PIK3C2A: variants seen among roughly 807,000 people sequenced by gnomAD.
PIK3C2A encodes phosphatidylinositol-4-phosphate 3-kinase catalytic subunit type 2 alpha.
Under a neutral mutation model 204.5 loss-of-function variants are expected in PIK3C2A, and 97 were observed. The observed-to-expected ratio is 0.47, with a 90% confidence interval of 0.40 to 0.56. The LOEUF (loss-of-function observed/expected upper bound fraction) is 0.56, where lower values mean the gene tolerates loss of function less well. Ranked by LOEUF, PIK3C2A falls within the 20% of genes least tolerant of loss-of-function variation. The pLI, the probability that PIK3C2A is intolerant of heterozygous loss-of-function variation, is 0.00. For synonymous variants in PIK3C2A, 653 were observed against 664.4 expected, an observed-to-expected ratio of 0.98 and a Z score of 0.26; for missense variants, 1,735 against 1,969.2, an observed-to-expected ratio of 0.88 and a Z score of 2.25.
At chr11:17,130,339 C>G (rs1849654022) in intron 12 of PIK3C2A, among the ~76,000 whole-genome samples, 1 of 152,158 alleles carries the variant, frequency 6.6e-6, no homozygotes, top group Non-Finnish European at 1.5e-5. Flanking sequence ...AATAGTGACA[C>G]TTTCTACTTA....
chr11:17,095,515 C>T (rs1244027642), intron 27 of PIK3C2A, among the ~76,000 whole-genome samples: 10 of 150,788 alleles, frequency 6.6e-5, no homozygotes, highest in Admixed American at 3.3e-4. Flanking sequence ...GGCGTGAACC[C>T]GGGAGGCAGA....
chr11:17,145,696 T>C lies in PIK3C2A; in HGVS notation c.1676A>G (p.Asn559Ser). The C allele has an allele frequency of 6.2e-7, 1 of 1,609,400 alleles. No homozygotes were observed. Among genetic ancestry groups the C allele is most frequent in the South Asian group, 1.1e-5 (1 of 90,700 alleles). The change falls in exon 8 of 33, where the codon AAC (asparagine) becomes AGC (serine). Residue 559 changes from asparagine to serine, a missense_variant. Physicochemically the swap from Asn to Ser is conservative, Grantham distance 46 (BLOSUM62 1). This residue lies in a region of PIK3C2A where 106 missense variants were observed against 108.2 expected (regional missense o/e 0.98). Transcript: ENST00000691414. ...AATTTGAAGAGCCAGTTCTACTTGG[T>C]TGTGATAAGAATCTAAGAGTTCTTC... ...PVEELLDSYH[N>S]QVELALQIEN... is the part of the protein sequence containing the mutation.
chr11:17,106,100 C>A (rs1319533877), intron 22 of PIK3C2A, among the ~76,000 whole-genome samples: 7 of 135,062 alleles, frequency 5.2e-5, no homozygotes, highest in Non-Finnish European at 8.1e-5. Flanking sequence ...CAGAGCCAGA[C>A]TCTATCTCAA....
chr11:17,163,179 A>C (rs1209570611), intron 2 of PIK3C2A, among the ~76,000 whole-genome samples: 1 of 152,004 alleles, frequency 6.6e-6, no homozygotes, highest in Non-Finnish European at 1.5e-5. Flanking sequence ...GGTGGCATGC[A>C]CCTGTAGTCC....
At chr11:17,156,422 T>C (rs1271763257) in intron 2 of PIK3C2A, among the ~76,000 whole-genome samples, 1 of 152,348 alleles carries the variant, frequency 6.6e-6, no homozygotes, top group East Asian at 1.9e-4. Context: ...GGACTCATTC[T>C]GTCACCTAGG....
intron 18 of PIK3C2A, 111 bp from the exon 19 acceptor site, chr11:17,117,782 C>A: frequency 1.7e-6 from 1 of 575,374 alleles, no homozygotes; most frequent in Non-Finnish European, 2.9e-6. Flanking sequence ...GGCGCCATCT[C>A]GGCTCACTGC....
chr11:17,107,962 C>T (rs1200019108), intron 22 of PIK3C2A, among the ~76,000 whole-genome samples: 1 of 152,194 alleles, frequency 6.6e-6, no homozygotes, highest in East Asian at 1.9e-4. Context: ...ACCTCTGCCT[C>T]CCGGATTCAA....
At chr11:17,112,811 C>T (rs922397722) in intron 20 of PIK3C2A, 145 bp from the exon 21 acceptor site, 10 of 401,098 alleles carry the variant, frequency 2.5e-5, no homozygotes, top group East Asian at 4.1e-5. Context: ...TTAGAGACAG[C>T]GTCTTGCTTT....
intron 2 of PIK3C2A, among the ~76,000 whole-genome samples, chr11:17,166,474 C>T (rs1850952972): frequency 6.6e-6 from 1 of 152,142 alleles, no homozygotes; most frequent in Non-Finnish European, 1.5e-5. Context: ...CTGGGATAAT[C>T]TATTTCTCTC....
chr11:17,133,518 G>A (rs1439170875), intron 11 of PIK3C2A, among the ~76,000 whole-genome samples: 1 of 152,096 alleles, frequency 6.6e-6, no homozygotes. Flanking sequence ...CCCAATTTAA[G>A]CAAAACTTAG....
At chr11:17,199,008 A>C (rs1210735000) in intron 1 of PIK3C2A, among the ~76,000 whole-genome samples, 7 of 151,972 alleles carry the variant, frequency 4.6e-5, no homozygotes. Context: ...AATCCCAGCT[A>C]CTTGGGAGGA....
At chr11:17,155,481 C>G (rs765883688) in intron 3 of PIK3C2A, 45 bp downstream of exon 3, 2 of 1,113,824 alleles carry the variant, frequency 1.8e-6, no homozygotes, top group African/African-American at 1.5e-5. Context: ...AACTGGTTTT[C>G]AAGTGAATTT....
chr11:17,114,429 A>C lies in PIK3C2A; in HGVS notation c.3253T>G (p.Phe1085Val), dbSNP rs1337055074. 1 of 1,586,856 alleles carries C rather than the reference A, an allele frequency of 6.3e-7. No homozygotes were observed. Among genetic ancestry groups the C allele is most frequent in the Non-Finnish European group, 8.7e-7 (1 of 1,155,462 alleles). The change falls in exon 20 of 33, where the codon TTT (phenylalanine) becomes GTT (valine). Residue 1085 changes from phenylalanine (F) to valine (V), a missense_variant. By Grantham distance (50) the Phe-to-Val change is conservative (BLOSUM62 -1). Transcript: ENST00000691414. ...LQRSMERVQS[F>V]FQKNKCRLPL... ...AGACGGCATTTATTTTTCTGAAAAA[A>C]GGACTGTACTCGTTCCATACTTCTT... is the stretch of plus-strand genomic sequence containing the variant.
intron 2 of PIK3C2A, among the ~76,000 whole-genome samples, chr11:17,167,673 A>T (rs931272249): frequency 1.3e-5 from 2 of 152,166 alleles, no homozygotes; most frequent in African/African-American, 4.8e-5. Context: ...AACCGATCCA[A>T]ATCATGCAAA....
intron 1 of PIK3C2A, among the ~76,000 whole-genome samples, chr11:17,200,564 A>G (rs1179936710): frequency 2.6e-5 from 4 of 152,208 alleles, no homozygotes; most frequent in African/African-American, 9.6e-5. Flanking sequence ...ATAGGGATAA[A>G]AAACAAATGA....
chr11:17,190,747 G>T lies in PIK3C2A; in HGVS notation c.-66+17101C>A, dbSNP rs372748752. Among the ~76,000 whole-genome samples the T allele has an allele frequency of 3.3e-4, 50 of 152,090 alleles. 1 individual carries two copies. In the South Asian group the frequency reaches 0.01, roughly 31 times the overall value. On this transcript the variant is annotated intron_variant, in intron 1 of 32. Coordinates refer to ENST00000691414, the MANE Select transcript of PIK3C2A (RefSeq NM_002645.4). The stretch of plus-strand genomic sequence containing the variant: ...ATTAATTAGATGGACTAAGCAGAAG[G>T]ATTGATAAACCCGAGGACAGATCAA...
intron 18 of PIK3C2A, among the ~76,000 whole-genome samples, chr11:17,118,186 C>A (rs1849265268): frequency 6.6e-6 from 1 of 151,980 alleles, no homozygotes; most frequent in Non-Finnish European, 1.5e-5. Context: ...ATCCTCCCAC[C>A]TCAGCATCCC....
chr11:17,151,784 C>CT (rs1415473586), intron 3 of PIK3C2A, among the ~76,000 whole-genome samples: 1 of 152,082 alleles, frequency 6.6e-6, no homozygotes, highest in African/African-American at 2.4e-5. Flanking sequence ...TGTCAAATAA[C>CT]TGAGTTAGTG....
chr11:17,110,434 C>T lies in PIK3C2A; in HGVS notation c.3542G>A (p.Arg1181Gln), dbSNP rs1435241298. 1.1e-5 allele frequency: 17 copies of T among 1,608,482 alleles called. No homozygotes were observed. The highest frequency in any genetic ancestry group is 4.5e-5 in the East Asian group (2 of 44,754). The change falls in exon 22 of 33, where the codon CGA becomes CAA. Residue 1181 changes from arginine to glutamine, a missense_variant and splice_region_variant. By Grantham distance (43) the Arg-to-Gln change is conservative (BLOSUM62 1). Transcript: ENST00000691414. ...CAAGACACAGCTAATAAACTTACCT[C>T]GATCTCTGCCAGTTGAGAGACATTT... is the stretch of plus-strand genomic sequence containing the variant. The part of the protein sequence containing the change: ...IFKCLSTGRD[R>Q]GMVELVPASD...
Sources: allele counts gnomAD v4.1 joint callset (sites outside exome capture counted in the v4.1 genomes callset), GRCh38; gene constraint gnomAD v4.1.1; regional missense constraint gnomAD v4.1.1; transcripts MANE v1.5; gene names NCBI Gene and HGNC (gene_info 2026-07-23, HGNC 2026-07-21).